Variants in FAM9C observed in about 807,000 individuals in gnomAD.
The protein encoded by FAM9C is family with sequence similarity 9 member C, also known as protein FAM9C.
In FAM9C, 15 loss-of-function variants were observed where a neutral mutation model predicts 14.8. That is an observed-to-expected ratio of 1.02 (90% CI 0.68 to 1.56). The LOEUF (loss-of-function observed/expected upper bound fraction) is 1.56. Among genes scored for constraint, FAM9C ranks in the 40% most tolerant of loss-of-function variants. FAM9C has a pLI of 0.00. For missense variants in FAM9C, 116 were observed against 118.0 expected, an observed-to-expected ratio of 0.98 and a Z score of 0.08; for synonymous variants, 45 against 37.5, an observed-to-expected ratio of 1.20 and a Z score of -0.74.
rs1043019361 is a variant in FAM9C at position 13,043,820 on chromosome X, G to A, written c.-31C>T. 4 of 1,201,908 alleles carry A rather than the reference G, an allele frequency of 3.3e-6. No homozygotes were observed. The highest frequency in any genetic ancestry group is 2.3e-4 in the Middle Eastern group (1 of 4,349). ...TGCCCTTCCTGCCCACGGGCTCCGT[G>A]GCTGACTGGCCTGGGAAGCTAGAGG... On this transcript the variant is annotated 5_prime_UTR_variant, in exon 2 of 8. Transcript: ENST00000380625.
At chrX:13,038,644 T>G (rs745920253) in intron 6 of FAM9C, 141 bp from the exon 7 acceptor site, 1 of 492,408 alleles carries the variant, frequency 2.0e-6, no homozygotes, top group African/African-American at 2.5e-5. Context: ...TTTGAAACAA[T>G]TGTGTTCACC....
At chrX:13,040,053 G>A (rs1203847678) in intron 5 of FAM9C, 137 bp from the exon 6 acceptor site, 1 of 534,212 alleles carries the variant, frequency 1.9e-6, no homozygotes, top group East Asian at 4.0e-5. Context: ...CTTCTTTTTG[G>A]GAAAAGGTGA....
rs1410105586 is a variant in FAM9C at position 13,040,739 on chromosome X, A to T, written c.329+19T>A. 2.8e-6 allele frequency: 3 copies of T among 1,059,829 alleles called. No individual in the cohort carries two copies. 87.3% of individuals were successfully genotyped at this position (1,059,829 alleles called of 1,213,427 possible). A position where few individuals can be genotyped will look rare whatever the true frequency, so the allele number is the denominator to read the frequency against. The stretch of plus-strand genomic sequence containing the variant: ...GAAATGATATAAATATCATTATTCA[A>T]AAAAGCCAACAATCATACCTTTTTA... On this transcript the variant is annotated intron_variant, in intron 5 of 7. Transcript: ENST00000380625.
At chrX:13,042,716 C>T in intron 4 of FAM9C, 1 of 487,571 alleles carries the variant, frequency 2.1e-6, no homozygotes, top group Non-Finnish European at 3.6e-6. Context: ...CTTGCTTCAC[C>T]ATTATTAGAA....
rs766505977 is a variant in FAM9C, at chrX:13,038,453, A to C, written c.489T>G (p.Thr163=). 10 of 1,204,169 alleles carry C rather than the reference A, an allele frequency of 8.3e-6. No individual in the cohort carries two copies. The East Asian group carries it at 2.7e-4, about 32-fold the overall frequency. ...QKRWQQDGKG[T]ERD is the part of the protein sequence containing the mutation. ...CTCGTGTGGTGGCTCAATCTCTTTC[A>C]GTTCCTTTCCCATCTTGTTGCCACC... is the stretch of plus-strand genomic sequence containing the variant. Residue 163 remains threonine, a synonymous_variant, in exon 7 of 8, where the codon ACT becomes ACG. Coordinates refer to ENST00000380625, the MANE Select transcript of FAM9C (RefSeq NM_174901.6).
rs751550416 is a variant in FAM9C, at chrX:13,038,454, G to C, written c.488C>G (p.Thr163Ser). ...QKRWQQDGKG[T>S]ERD The stretch of plus-strand genomic sequence containing the variant: ...TCGTGTGGTGGCTCAATCTCTTTCA[G>C]TTCCTTTCCCATCTTGTTGCCACCT... The change falls in exon 7 of 8, where the codon ACT becomes AGT. Residue 163 changes from threonine (T) to serine (S), a missense_variant. Thr to Ser is a moderately conservative substitution (Grantham distance 58, BLOSUM62 1). Transcript: ENST00000380625. 3.3e-5 allele frequency: 40 copies of C among 1,204,490 alleles called. No individual in the cohort carries two copies. In the Admixed American group the frequency reaches 8.0e-4, roughly 24 times the overall value.
Position 13,040,748 on chromosome X carries a change from A to G in FAM9C, c.329+10T>C, listed in dbSNP as rs1221226812. ...TAAATATCATTATTCAAAAAAGCCA[A>G]CAATCATACCTTTTTAGTTGTGTTG... On this transcript the variant is annotated intron_variant, in intron 5 of 7. Transcript: ENST00000380625. 2.7e-6 allele frequency: 3 copies of G among 1,104,174 alleles called. No homozygotes were observed. Among genetic ancestry groups the G allele is most frequent in the Non-Finnish European group, 3.7e-6 (3 of 821,096 alleles). 91.0% of individuals were successfully genotyped at this position (1,104,174 alleles called of 1,213,427 possible).
At chrX:13,043,037 C>A in intron 3 of FAM9C, 88 bp from the exon 4 acceptor site, 1 of 1,163,391 alleles carries the variant, frequency 8.6e-7, no homozygotes, top group Non-Finnish European at 1.1e-6. Flanking sequence ...GTGAAATGTT[C>A]TGCATAGAAC....
At position 13,043,842 on chromosome X, in the gene FAM9C, G is replaced by C; in HGVS notation, c.-53C>G. The C allele has an allele frequency of 8.8e-7, 1 of 1,142,462 alleles. No individual in the cohort carries two copies. Among genetic ancestry groups the C allele is most frequent in the South Asian group, 1.8e-5 (1 of 55,143 alleles). The allele number at this position is 1,142,462 out of a possible 1,213,427, so 94.2% of individuals were successfully genotyped here. ...CGTGGCTGACTGGCCTGGGAAGCTA[G>C]AGGCGACCTCTGAACCTGGTGAGTG... On this transcript the variant is annotated 5_prime_UTR_variant, in exon 2 of 8. Transcript: ENST00000380625.
intron 4 of FAM9C, chrX:13,042,655 A>G: frequency 2.5e-6 from 1 of 403,377 alleles, no homozygotes; most frequent in Non-Finnish European, 4.4e-6. Flanking sequence ...ATGTCCTCTA[A>G]TATCCCCCAA....
intron 7 of FAM9C, 27 bp downstream of exon 7, chrX:13,038,389 C>T (rs190602980): frequency 2.8e-4 from 303 of 1,064,820 alleles, no homozygotes; most frequent in Middle Eastern, 7.3e-4. Context: ...TTTATAAGAA[C>T]GTATTGTGTT....
chrX:13,037,760 G>A (rs1297748134), intron 7 of FAM9C: 1 of 113,089 alleles, frequency 8.8e-6, no homozygotes, highest in Non-Finnish European at 1.9e-5. Context: ...ATTTGCTAAT[G>A]TGCTGTACGA....
chrX:13,044,383 A>G (rs1332605593), intron 1 of FAM9C, among the ~76,000 whole-genome samples, 157 bp downstream of exon 1: 1 of 89,223 alleles, frequency 1.1e-5, no homozygotes, highest in Non-Finnish European at 2.1e-5. Flanking sequence ...CCTGGGGACC[A>G]CTCAGGCAGC....
In FAM9C at chrX:13,043,219, C is replaced by T. The variant is rs778715819; in HGVS notation, c.91G>A (p.Glu31Lys). 2.1e-5 allele frequency: 25 copies of T among 1,206,303 alleles called. No individual in the cohort carries two copies. The highest frequency in any genetic ancestry group is 2.8e-5 in the Non-Finnish European group (25 of 893,814). The stretch of plus-strand genomic sequence containing the variant: ...TTTGTCTCTGTAACAGGTTTTCTTT[C>T]CTCATGCTCATGACTTACTGGATCC... The part of the protein sequence containing the change: ...GKDPVSHEHE[E>K]RKPVTETKEG... The change falls in exon 3 of 8, where the codon GAA becomes AAA. Residue 31 changes from glutamate (E) to lysine (K), a missense_variant. By Grantham distance (56) the Glu-to-Lys change is moderately conservative. Transcript: ENST00000380625.
rs2043509277 is a variant in FAM9C at position 13,039,682 on chromosome X, G to A, written c.438+126C>T. ...GCAATTATATTCCCCTAGTCCATGAGTCCACTAATGGGCGACCCTCTCTGG... is the reference window on the plus strand; with the variant it reads ...GCAATTATATTCCCCTAGTCCATGAATCCACTAATGGGCGACCCTCTCTGG... On this transcript the variant is annotated intron_variant, in intron 6 of 7. Transcript: ENST00000380625. 3.8e-6 allele frequency: 4 copies of A among 1,044,741 alleles called. No homozygotes were observed. The South Asian group carries it at 1.1e-4, about 29-fold the overall frequency. The allele number at this position is 1,044,741 out of a possible 1,213,427, so 86.1% of individuals were successfully genotyped here.
At position 13,043,753 on chromosome X, in the gene FAM9C, C is replaced by T. The variant is rs779181970; in HGVS notation, c.37G>A (p.Ala13Thr). 3.3e-6 allele frequency: 4 copies of T among 1,212,359 alleles called. No individual in the cohort carries two copies. The highest frequency in any genetic ancestry group is 4.5e-6 in the Non-Finnish European group (4 of 895,586). ...CCTGCAAGCTCCATTTCCTGGGCGG[C>T]CATAACTTGAACCTCCAACTGGTCC... ...AKDQLEVQVM[A>T]AQEMELAGKD... The change falls in exon 2 of 8, where the codon GCC (alanine) becomes ACC (threonine). Residue 13 changes from alanine to threonine, a missense_variant. Coordinates refer to ENST00000380625, the MANE Select transcript of FAM9C (RefSeq NM_174901.6).
intron 6 of FAM9C, 72 bp from the exon 7 acceptor site, chrX:13,038,575 G>T: frequency 1.1e-6 from 1 of 926,928 alleles, no homozygotes. Flanking sequence ...CTGCATTAAA[G>T]AAATACTCTT....
At chrX:13,039,617 G>A (rs2043508431) in intron 6 of FAM9C, among the ~76,000 whole-genome samples, 191 bp downstream of exon 6, 1 of 111,732 alleles carries the variant, frequency 8.9e-6, no homozygotes, top group African/African-American at 3.3e-5. Context: ...CTTCTTCATC[G>A]CTATGATGCT....
chrX:13,043,785 G>T lies in FAM9C; in HGVS notation c.5C>A (p.Ala2Asp). Reference protein sequence around the residue: MAAKDQLEVQVM... With the variant: MDAKDQLEVQVM... ...TTGAACCTCCAACTGGTCCTTGGCA[G>T]CCATCCTGCTGCCCTTCCTGCCCAC... Residue 2 changes from alanine (A) to aspartate (D), a missense_variant, in exon 2 of 8, where the codon GCT (alanine) becomes GAT (aspartate). Coordinates refer to ENST00000380625, the MANE Select transcript of FAM9C (RefSeq NM_174901.6). The T allele has an allele frequency of 8.2e-7, 1 of 1,212,363 alleles. No homozygotes were observed. Among genetic ancestry groups the T allele is most frequent in the Non-Finnish European group, 1.1e-6 (1 of 895,484 alleles).
Sources: gnomAD v4.1 joint callset for allele counts (sites outside exome capture counted in the v4.1 genomes callset) on GRCh38, gnomAD v4.1.1 for gene constraint, MANE v1.5 for transcripts, NCBI Gene and HGNC (gene_info 2026-07-23, HGNC 2026-07-21) for gene names.